The following ZMIZ1 variants were observed in gnomAD, a reference collection of about 807,000 sequenced individuals.
ZMIZ1 encodes the protein zinc finger MIZ-type containing 1.
In ZMIZ1, 17 loss-of-function variants were observed where a neutral mutation model predicts 113.9. The observed-to-expected ratio is 0.15, with a 90% CI of 0.10 to 0.22. ZMIZ1 has a LOEUF of 0.22. Among genes scored for constraint, ZMIZ1 ranks in the 10% least tolerant of loss-of-function variants. The pLI is 1.00. For missense variants in ZMIZ1, 1,059 were observed against 1,477.8 expected, an observed-to-expected ratio of 0.72 and a Z score of 4.65; for synonymous variants, 607 against 603.1, an observed-to-expected ratio of 1.01 and a Z score of -0.09.
chr10:79,238,628 TTGAC>T (rs1489706329), intron 7 of ZMIZ1, among the ~76,000 whole-genome samples: 4 of 152,234 alleles, frequency 2.6e-5, no homozygotes, highest in Admixed American at 1.3e-4. Flanking sequence ...ACAGCTCTAA[TTGAC>T]TGTGTGACCT....
chr10:79,152,712 T>C (rs1480344567), intron 3 of ZMIZ1, among the ~76,000 whole-genome samples: 1 of 152,226 alleles, frequency 6.6e-6, no homozygotes, highest in African/African-American at 2.4e-5. Context: ...TACCACTTTC[T>C]AATACTGGGC....
At chr10:79,212,169 A>G (rs1461746280) in intron 6 of ZMIZ1, among the ~76,000 whole-genome samples, 2 of 151,130 alleles carry the variant, frequency 1.3e-5, no homozygotes, top group African/African-American at 4.9e-5. Context: ...ATTTTTTTTA[A>G]ATTTTAGAGA....
At chr10:79,149,540 G>A (rs1280227021) in intron 3 of ZMIZ1, among the ~76,000 whole-genome samples, 1 of 152,200 alleles carries the variant, frequency 6.6e-6, no homozygotes, top group East Asian at 1.9e-4. Context: ...CAGCCCCTGG[G>A]CCAAGCTCCC....
chr10:79,208,570 G>A (rs1848423559), intron 6 of ZMIZ1, 121 bp downstream of exon 6: 8 of 800,486 alleles, frequency 1.0e-5, no homozygotes, highest in Admixed American at 2.4e-5. Context: ...GAGAGAGCTG[G>A]GAAGACACTG....
chr10:79,163,131 G>A (rs1332987375), intron 4 of ZMIZ1, among the ~76,000 whole-genome samples: 3 of 152,384 alleles, frequency 2.0e-5, no homozygotes, highest in East Asian at 3.9e-4. Context: ...GTCCCAAGGC[G>A]TCGTGGTGCT....
chr10:79,252,348 T>A (rs2132890721), intron 7 of ZMIZ1, among the ~76,000 whole-genome samples: 1 of 152,290 alleles, frequency 6.6e-6, no homozygotes, highest in African/African-American at 2.4e-5. Context: ...TCTCCTCAGG[T>A]GACAGCCTTT....
Position 79,149,416 on chromosome 10 carries a change from G to A in ZMIZ1, c.-131+9639G>A, listed in dbSNP as rs180704034. Reference sequence around the variant, plus strand: ...TTCAGATCTCTGCCCTCACTGGGTCGGGCTGCCAACCTCTGCACTCCCACC... The same window carrying A: ...TTCAGATCTCTGCCCTCACTGGGTCAGGCTGCCAACCTCTGCACTCCCACC... On this transcript the variant is annotated intron_variant, in intron 3 of 24. Coordinates refer to ENST00000334512, the MANE Select transcript of ZMIZ1 (RefSeq NM_020338.4). Among the ~76,000 whole-genome samples the A allele has an allele frequency of 3.8e-3, 585 of 152,228 alleles. 4 individuals carry two copies. The highest frequency in any genetic ancestry group is 0.013 in the African/African-American group (542 of 41,548).
At chr10:79,123,496 C>T (rs1392363564) in intron 2 of ZMIZ1, among the ~76,000 whole-genome samples, 5 of 152,096 alleles carry the variant, frequency 3.3e-5, no homozygotes, top group Admixed American at 6.5e-5. Context: ...GTGGCAGTAG[C>T]GGGAGTGAGT....
In ZMIZ1 at chr10:79,187,103, G is replaced by A. The variant is rs117289415; in HGVS notation, c.-49-14481G>A. ...CTGGATTTTAGGCTTCTGGAAATCA[G>A]TGATGTCATCTTACTCTTTTTGTTT... On this transcript the variant is annotated intron_variant, in intron 4 of 24. Coordinates refer to ENST00000334512, the MANE Select transcript of ZMIZ1 (RefSeq NM_020338.4). Among the ~76,000 whole-genome samples, 115 of 152,332 alleles carry A rather than the reference G, an allele frequency of 7.5e-4. 1 individual carries two copies. In the East Asian group the frequency reaches 0.018, roughly 23 times the overall value.
chr10:79,114,487 G>A (rs11497813), intron 1 of ZMIZ1, among the ~76,000 whole-genome samples: 1 of 103,222 alleles, frequency 9.7e-6, no homozygotes, highest in Admixed American at 8.8e-5. Context: ...CTGTGTGTGT[G>A]TGTGTGCGTG....
At chr10:79,279,740 C>G (rs775030424) in intron 8 of ZMIZ1, among the ~76,000 whole-genome samples, 5 of 152,234 alleles carry the variant, frequency 3.3e-5, no homozygotes, top group Non-Finnish European at 7.3e-5. Context: ...GCTGGCAGAT[C>G]ACTCACGGTC....
chr10:79,270,441 T>C (rs948195982), intron 7 of ZMIZ1, among the ~76,000 whole-genome samples: 7 of 152,334 alleles, frequency 4.6e-5, no homozygotes, highest in African/African-American at 1.7e-4. Flanking sequence ...GCAGGGCCCT[T>C]AGACATATCC....
At chr10:79,240,390 G>A (rs530149275) in intron 7 of ZMIZ1, among the ~76,000 whole-genome samples, 1 of 152,198 alleles carries the variant, frequency 6.6e-6, no homozygotes, top group African/African-American at 2.4e-5. Flanking sequence ...AGTTGGAGAA[G>A]TGGAGTTGGA....
intron 1 of ZMIZ1, among the ~76,000 whole-genome samples, chr10:79,071,560 A>T (rs1842288085): frequency 6.6e-6 from 1 of 152,102 alleles, no homozygotes. Context: ...GCTCTTTCTT[A>T]GCCTTCTCAG....
chr10:79,096,870 G>C (rs1843186098), intron 1 of ZMIZ1, among the ~76,000 whole-genome samples: 1 of 152,192 alleles, frequency 6.6e-6, no homozygotes, highest in Non-Finnish European at 1.5e-5. Flanking sequence ...GAAACAAACA[G>C]GGTGCTGAAT....
chr10:79,291,350 G>T (rs1853482434), intron 10 of ZMIZ1, among the ~76,000 whole-genome samples, 174 bp downstream of exon 10: 1 of 152,266 alleles, frequency 6.6e-6, no homozygotes, highest in Non-Finnish European at 1.5e-5. Flanking sequence ...CTGGCCTGCA[G>T]ATAAGGCGCT....
chr10:79,304,210 C>G lies in ZMIZ1; in HGVS notation c.2286+35C>G. 4 of 1,596,290 alleles carry G rather than the reference C, an allele frequency of 2.5e-6. No individual in the cohort carries two copies. In the South Asian group the frequency reaches 4.5e-5, roughly 18 times the overall value. The stretch of plus-strand genomic sequence containing the variant: ...CCCAGAAAGCACAGCTCTGGCAAGC[C>G]ACCTAGACTCTGGCTGGGATGGTGA... On this transcript the variant is annotated intron_variant, in intron 19 of 24. Coordinates refer to ENST00000334512, the MANE Select transcript of ZMIZ1 (RefSeq NM_020338.4).
At chr10:79,281,698 C>T (rs1034356496) in intron 8 of ZMIZ1, among the ~76,000 whole-genome samples, 6 of 152,314 alleles carry the variant, frequency 3.9e-5, no homozygotes, top group Non-Finnish European at 8.8e-5. Flanking sequence ...GCTAACCAGT[C>T]GGTTCCGTGG....
At chr10:79,278,056 A>T (rs1852415361) in intron 8 of ZMIZ1, among the ~76,000 whole-genome samples, 1 of 152,108 alleles carries the variant, frequency 6.6e-6, no homozygotes, top group African/African-American at 2.4e-5. Context: ...TGACTGAGGG[A>T]CCCGCAGCCC....
Sources: allele counts gnomAD v4.1 joint callset (sites outside exome capture counted in the v4.1 genomes callset), GRCh38; gene constraint gnomAD v4.1.1; transcripts MANE v1.5; gene names NCBI Gene and HGNC (gene_info 2026-07-23, HGNC 2026-07-21).